GDPD5: variants seen among roughly 807,000 people sequenced by gnomAD.
GDPD5 encodes glycerophosphodiester phosphodiesterase domain containing 5, also known as glycerophosphodiester phosphodiesterase 2.
A neutral mutation model predicts 75.1 loss-of-function variants in GDPD5; 48 were observed. The observed-to-expected ratio is 0.64, with a 90% CI of 0.51 to 0.81. The LOEUF (loss-of-function observed/expected upper bound fraction) is 0.81. Among genes scored for constraint, GDPD5 ranks in the 40% least tolerant of loss-of-function variants. The probability of loss-of-function intolerance (pLI) is 0.00; values close to 1 mark genes in which losing one functional copy is unlikely to be tolerated. For missense variants in GDPD5, 706 were observed against 822.6 expected, an observed-to-expected ratio of 0.86 and a Z score of 1.73; for synonymous variants, 336 against 339.0, an observed-to-expected ratio of 0.99 and a Z score of 0.10.
At chr11:75,446,507 C>T (rs1948991202) in intron 9 of GDPD5, among the ~76,000 whole-genome samples, 1 of 152,004 alleles carries the variant, frequency 6.6e-6, no homozygotes, top group Admixed American at 6.6e-5. Flanking sequence ...GTTAAGAGAC[C>T]CAGATTTATA....
At chr11:75,488,899 G>A (rs1258278447) in intron 2 of GDPD5, among the ~76,000 whole-genome samples, 1 of 152,170 alleles carries the variant, frequency 6.6e-6, no homozygotes, top group East Asian at 1.9e-4. Flanking sequence ...GACCTATAGT[G>A]TCTGCAGCCC....
intron 9 of GDPD5, chr11:75,448,567 C>T: frequency 3.0e-6 from 3 of 993,698 alleles, no homozygotes; most frequent in Non-Finnish European, 3.6e-6. Flanking sequence ...CGTCTTTCTC[C>T]AACTCACGTC....
chr11:75,439,097 C>T (rs898289765), intron 15 of GDPD5, among the ~76,000 whole-genome samples: 6 of 152,162 alleles, frequency 3.9e-5, no homozygotes, highest in South Asian at 2.1e-4. Context: ...GTCAAGGAAA[C>T]GCTGGTCCCC....
intron 2 of GDPD5, 39 bp from the exon 3 acceptor site, chr11:75,477,834 G>A: frequency 1.3e-6 from 1 of 767,726 alleles, no homozygotes; most frequent in East Asian, 2.7e-5. Flanking sequence ...CAGGGGAAGG[G>A]TGAGGAGTCA....
intron 3 of GDPD5, among the ~76,000 whole-genome samples, chr11:75,468,415 T>C (rs1297045790): frequency 6.6e-6 from 1 of 152,228 alleles, no homozygotes; most frequent in Non-Finnish European, 1.5e-5. Context: ...CTAGTCCTTC[T>C]GTGGACTCAA....
intron 7 of GDPD5, 29 bp from the exon 8 acceptor site, chr11:75,449,639 A>G (rs1174652473): frequency 9.0e-6 from 14 of 1,554,720 alleles, no homozygotes; most frequent in African/African-American, 1.4e-5. Context: ...AAGGGAGACC[A>G]GTAACGCCCA....
chr11:75,479,843 T>C (rs1310696588), intron 2 of GDPD5, among the ~76,000 whole-genome samples: 1 of 152,208 alleles, frequency 6.6e-6, no homozygotes, highest in African/African-American at 2.4e-5. Context: ...TCACGTGGCA[T>C]AATGTTCTCA....
At chr11:75,454,026 T>G (rs976075425) in intron 6 of GDPD5, among the ~76,000 whole-genome samples, 1 of 152,088 alleles carries the variant, frequency 6.6e-6, no homozygotes, top group South Asian at 2.1e-4. Flanking sequence ...GATTCAAGTA[T>G]GTAAGAATAA....
At chr11:75,522,487 C>T (rs1009657059) in intron 1 of GDPD5, among the ~76,000 whole-genome samples, 1 of 152,046 alleles carries the variant, frequency 6.6e-6, no homozygotes, top group African/African-American at 2.4e-5. Flanking sequence ...CTCCCCCTTA[C>T]TCCTCCCCGT....
chr11:75,506,176 T>C (rs1456113457), intron 1 of GDPD5, among the ~76,000 whole-genome samples: 1 of 152,186 alleles, frequency 6.6e-6, no homozygotes, highest in Non-Finnish European at 1.5e-5. Context: ...CCATCATCCG[T>C]TCTCTCCTTT....
chr11:75,511,676 C>T (rs1950521338), intron 1 of GDPD5, among the ~76,000 whole-genome samples: 1 of 152,160 alleles, frequency 6.6e-6, no homozygotes, highest in Admixed American at 6.5e-5. Flanking sequence ...CCATGCTTCC[C>T]TGCACTGACC....
chr11:75,435,728 G>A (rs914692763), intron 16 of GDPD5, 73 bp from the exon 17 acceptor site: 5 of 1,488,480 alleles, frequency 3.4e-6, no homozygotes, highest in Non-Finnish European at 3.6e-6. Flanking sequence ...AGATGGGGCA[G>A]GAAGGCTGCA....
In GDPD5 at chr11:75,457,705, G is replaced by T; in HGVS notation, c.303C>A (p.Ile101=). 6.2e-7 allele frequency: 1 copy of T among 1,614,096 alleles called. No individual in the cohort carries two copies. Among genetic ancestry groups the T allele is most frequent in the Non-Finnish European group, 8.5e-7 (1 of 1,179,964 alleles). ...LVTTAAAFAY[I]AGLLVLALCH... Reference sequence around the variant, plus strand: ...CAGCCCCATGTACCAGGAGGCCAGCGATGTATGCGAAGGCAGCAGCTGTGG... The same window carrying T: ...CAGCCCCATGTACCAGGAGGCCAGCTATGTATGCGAAGGCAGCAGCTGTGG... The change falls in exon 5 of 17, where the codon ATC becomes ATA. Residue 101 remains isoleucine (I), a synonymous_variant. Coordinates refer to ENST00000336898, the MANE Select transcript of GDPD5 (RefSeq NM_030792.8).
At chr11:75,475,938 C>T (rs1949768913) in intron 3 of GDPD5, among the ~76,000 whole-genome samples, 1 of 152,218 alleles carries the variant, frequency 6.6e-6, no homozygotes, top group Non-Finnish European at 1.5e-5. Flanking sequence ...GGGCCCTGTG[C>T]TGGCTGCAGC....
At chr11:75,440,597 A>C (rs1350787467) in intron 14 of GDPD5, among the ~76,000 whole-genome samples, 1 of 152,126 alleles carries the variant, frequency 6.6e-6, no homozygotes, top group African/African-American at 2.4e-5. Flanking sequence ...ACAGGATCTC[A>C]CTTTGTCATC....
At chr11:75,462,669 G>C (rs1949439393) in intron 4 of GDPD5, 117 bp downstream of exon 4, 1 of 727,412 alleles carries the variant, frequency 1.4e-6, no homozygotes, top group Non-Finnish European at 2.4e-6. Context: ...ACAGAGAGCT[G>C]GTGGCAGAGC....
chr11:75,481,797 G>A (rs1949925323), intron 2 of GDPD5, among the ~76,000 whole-genome samples: 1 of 152,064 alleles, frequency 6.6e-6, no homozygotes, highest in Non-Finnish European at 1.5e-5. Context: ...GAAGGGAGGA[G>A]GCGGGTGCAA....
intron 3 of GDPD5, among the ~76,000 whole-genome samples, chr11:75,465,478 A>G (rs990554741): frequency 6.6e-6 from 1 of 152,056 alleles, no homozygotes; most frequent in African/African-American, 2.4e-5. Flanking sequence ...GTCTCTATAC[A>G]TGTCGGTCTC....
intron 2 of GDPD5, among the ~76,000 whole-genome samples, chr11:75,489,445 A>T (rs1315332798): frequency 6.6e-6 from 1 of 152,222 alleles, no homozygotes; most frequent in Non-Finnish European, 1.5e-5. Flanking sequence ...TTGGTGACCA[A>T]TGAAAACCGA....
Sources: gnomAD v4.1 joint callset for allele counts (sites outside exome capture counted in the v4.1 genomes callset) on GRCh38, gnomAD v4.1.1 for gene constraint, MANE v1.5 for transcripts, NCBI Gene and HGNC (gene_info 2026-07-23, HGNC 2026-07-21) for gene names.